The following LRBA variants were observed in gnomAD, a reference collection of about 807,000 sequenced individuals.
LRBA encodes lipopolysaccharide-responsive and beige-like anchor protein.
Under a neutral mutation model 330.0 loss-of-function variants are expected in LRBA, and 176 were observed. That is an observed-to-expected ratio of 0.53 (90% confidence interval 0.47 to 0.60). LRBA has a LOEUF of 0.60. LRBA is among the 20% of genes least tolerant of loss of function. The pLI is 0.00. For synonymous variants in LRBA, 1,230 were observed against 1,193.0 expected (o/e 1.03, Z -0.64); for missense variants, 3,259 against 3,444.8 (o/e 0.95, Z 1.35).
At chr4:150,962,375 G>T (rs1308349104) in intron 2 of LRBA, among the ~76,000 whole-genome samples, 1 of 149,014 alleles carries the variant, frequency 6.7e-6, no homozygotes, top group Non-Finnish European at 1.5e-5. Context: ...AAAATTAGCT[G>T]GGCATGGTGG....
intron 53 of LRBA, among the ~76,000 whole-genome samples, chr4:150,290,305 C>T (rs759153957): frequency 6.6e-6 from 1 of 151,902 alleles, no homozygotes; most frequent in Non-Finnish European, 1.5e-5. Flanking sequence ...CTAAACCAAA[C>T]GAAGAACAAG....
chr4:150,579,183 C>T (rs1418321138), intron 40 of LRBA: 1 of 456,324 alleles, frequency 2.2e-6, no homozygotes, highest in East Asian at 6.9e-5. Flanking sequence ...TTTTAATACA[C>T]CATCAAGGAG....
chr4:150,616,816 A>C (rs1216742707), intron 37 of LRBA, among the ~76,000 whole-genome samples: 1 of 152,238 alleles, frequency 6.6e-6, no homozygotes, highest in African/African-American at 2.4e-5. Flanking sequence ...GCATGAATGC[A>C]AATAATCCAC....
chr4:150,736,329 G>A (rs183809585), intron 35 of LRBA, among the ~76,000 whole-genome samples: 19 of 152,102 alleles, frequency 1.2e-4, no homozygotes, highest in Admixed American at 7.2e-4. Flanking sequence ...AATATCATAC[G>A]AATGGAAACT....
At chr4:150,908,489 T>A in intron 10 of LRBA, 22 bp from the exon 11 acceptor site, 2 of 1,573,504 alleles carry the variant, frequency 1.3e-6, no homozygotes, top group Non-Finnish European at 1.7e-6. Flanking sequence ...AAAAACACAG[T>A]AAAGAGTTCA....
chr4:150,390,185 A>T (rs1325229640), intron 47 of LRBA, among the ~76,000 whole-genome samples: 1 of 152,138 alleles, frequency 6.6e-6, no homozygotes, highest in Non-Finnish European at 1.5e-5. Flanking sequence ...TGCAACTCTT[A>T]TATAAAAAAG....
intron 40 of LRBA, among the ~76,000 whole-genome samples, chr4:150,560,925 C>T (rs1156296802): frequency 5.3e-5 from 8 of 152,056 alleles, no homozygotes; most frequent in Non-Finnish European, 1.0e-4. Flanking sequence ...GTGGAGGTTG[C>T]GGTGAGCCAA....
chr4:150,753,875 T>C (rs554066383), intron 35 of LRBA, among the ~76,000 whole-genome samples: 3 of 152,064 alleles, frequency 2.0e-5, no homozygotes, highest in Middle Eastern at 6.8e-3. Context: ...AGACCAGTCT[T>C]GGCAACATGG....
chr4:150,465,891 T>A (rs1170392169), intron 44 of LRBA, among the ~76,000 whole-genome samples: 1 of 152,074 alleles, frequency 6.6e-6, no homozygotes, highest in African/African-American at 2.4e-5. Flanking sequence ...AACAAAATCT[T>A]TGTATTCAAT....
rs182746883 is a variant in LRBA at position 150,945,989 on chromosome 4, G to A, written c.217-16924C>T. On this transcript the variant is annotated intron_variant, in intron 2 of 56. Coordinates refer to ENST00000651943, the MANE Select transcript of LRBA (RefSeq NM_001364905.1). ...TAATTTTTGTATTTTTAGTAGAGAC[G>A]GGGTTTCACCGTGTTAGCCAGGATG... is the stretch of plus-strand genomic sequence containing the variant. Among the ~76,000 whole-genome samples, 13 of 152,056 alleles carry A rather than the reference G, an allele frequency of 8.5e-5. No homozygotes were observed. The East Asian group carries it at 1.4e-3, about 16-fold the overall frequency.
At chr4:150,936,543 G>GA (rs1300813323) in intron 2 of LRBA, among the ~76,000 whole-genome samples, 1 of 151,052 alleles carries the variant, frequency 6.6e-6, no homozygotes, top group African/African-American at 2.4e-5. Flanking sequence ...AAAAGTAGCA[G>GA]AAAAAAACAA....
chr4:150,793,235 G>A (rs1740250675), intron 34 of LRBA, among the ~76,000 whole-genome samples: 1 of 152,036 alleles, frequency 6.6e-6, no homozygotes. Flanking sequence ...AGCCTGGGAG[G>A]TCAAATGCAG....
At chr4:150,719,745 C>T (rs6826209) in intron 36 of LRBA, among the ~76,000 whole-genome samples, 4,227 of 152,134 alleles carry the variant, frequency 0.028, 183 homozygotes, top group African/African-American at 0.096. Context: ...GGTAACGTTA[C>T]CTCTTTCCTC....
At chr4:150,433,831 A>G (rs1362881435) in intron 46 of LRBA, among the ~76,000 whole-genome samples, 1 of 152,150 alleles carries the variant, frequency 6.6e-6, no homozygotes, top group Non-Finnish European at 1.5e-5. Context: ...TTTAAAGAGT[A>G]TGATATATAA....
chr4:150,904,074 T>C (rs544276225), intron 13 of LRBA, among the ~76,000 whole-genome samples: 1 of 152,276 alleles, frequency 6.6e-6, no homozygotes, highest in South Asian at 2.1e-4. Flanking sequence ...AAATGGAAAT[T>C]ATAAATCGCT....
chr4:150,491,117 G>A, intron 40 of LRBA, 82 bp from the exon 41 acceptor site: 1 of 578,964 alleles, frequency 1.7e-6, no homozygotes, highest in Non-Finnish European at 3.0e-6. Flanking sequence ...AAATAGAAAA[G>A]ACCCTATTAA....
At chr4:150,622,942 C>T (rs1300066374) in intron 37 of LRBA, among the ~76,000 whole-genome samples, 1 of 152,078 alleles carries the variant, frequency 6.6e-6, no homozygotes, top group African/African-American at 2.4e-5. Flanking sequence ...CGTGATCCAC[C>T]CGCCTCGGCC....
At position 150,848,890 on chromosome 4, in the gene LRBA, G is replaced by C. The variant is rs1175327658; in HGVS notation, c.4267C>G (p.Leu1423Val). The C allele has an allele frequency of 1.9e-6, 3 of 1,613,264 alleles. No homozygotes were observed. Among genetic ancestry groups the C allele is most frequent in the Non-Finnish European group, 1.7e-6 (2 of 1,179,636 alleles). The change falls in exon 26 of 57, where the codon CTT (leucine) becomes GTT (valine). Residue 1423 changes from leucine (L) to valine (V), a missense_variant. Leu to Val is a conservative substitution (Grantham distance 32, BLOSUM62 1). Coordinates refer to ENST00000651943, the MANE Select transcript of LRBA (RefSeq NM_001364905.1). Reference protein sequence around the residue: ...LVDVLIFASSLGFTEIEAEKS... With the variant: ...LVDVLIFASSVGFTEIEAEKS... ...TCAGCTTCAATTTCAGTAAAGCCAA[G>C]AGAACTTGCAAATATAAGCACATCC... is the stretch of plus-strand genomic sequence containing the variant.
chr4:150,487,194 G>A (rs1045928716), intron 42 of LRBA, among the ~76,000 whole-genome samples: 5 of 151,056 alleles, frequency 3.3e-5, no homozygotes, highest in Admixed American at 2.0e-4. Context: ...CTGGTTATAC[G>A]TGTGTGTACC....
Sources: gnomAD v4.1 joint callset for allele counts (sites outside exome capture counted in the v4.1 genomes callset) on GRCh38, gnomAD v4.1.1 for gene constraint, MANE v1.5 for transcripts, NCBI Gene and HGNC (gene_info 2026-07-23, HGNC 2026-07-21) for gene names.